The following CTSD variants were observed in gnomAD, a reference collection of about 807,000 sequenced individuals.
CTSD encodes ceroid-lipofuscinosis, neuronal 10.
CTSD carries 28 observed loss-of-function variants against 43.6 expected under a neutral mutation model. The observed-to-expected ratio is 0.64, with a 90% CI of 0.48 to 0.88. The LOEUF (loss-of-function observed/expected upper bound fraction) is 0.88. Among genes scored for constraint, CTSD ranks in the 40% least tolerant of loss-of-function variants. The pLI is 0.00. For synonymous variants in CTSD, 270 were observed against 249.8 expected (o/e 1.08, Z -0.76); for missense variants, 485 against 555.2 (o/e 0.87, Z 1.27).
Position 1,753,306 on chromosome 11 carries a change from A to G in CTSD, c.*197T>C. On this transcript the variant is annotated 3_prime_UTR_variant, in exon 9 of 9. Coordinates refer to ENST00000236671, the MANE Select transcript of CTSD (RefSeq NM_001909.5). ...CAAACAGATGGAGAGACAGACAGGC[A>G]GGCAGCATTTCTGAACCCAGGGAGG... The G allele has an allele frequency of 1.5e-6, 1 of 651,690 alleles. No individual in the cohort carries two copies. The highest frequency in any genetic ancestry group is 2.8e-6 in the Non-Finnish European group (1 of 363,552). 40.4% of individuals were successfully genotyped at this position (651,690 alleles called of 1,614,324 possible).
rs747408239 is a variant in CTSD, at chr11:1,753,794, C to T, written c.1071+9G>A. On this transcript the variant is annotated intron_variant, in intron 8 of 8. Coordinates refer to ENST00000236671, the MANE Select transcript of CTSD (RefSeq NM_001909.5). ...ACCTGGGGCGTGCGGCACCCCATTG[C>T]CCGCTCACCTTGAGCGTGTAGTCCT... 5 of 1,613,090 alleles carry T rather than the reference C, an allele frequency of 3.1e-6. No individual in the cohort carries two copies. The African/African-American group carries it at 6.7e-5, about 22-fold the overall frequency.
intron 1 of CTSD, chr11:1,762,038 C>T: frequency 5.3e-6 from 1 of 187,280 alleles, no homozygotes; most frequent in Non-Finnish European, 1.2e-5. Flanking sequence ...CTCCACACCA[C>T]CTCCAGAAGC....
chr11:1,753,710 ACC>A, intron 8 of CTSD, 40 bp from the exon 9 acceptor site: 1 of 1,609,372 alleles, frequency 6.2e-7, no homozygotes, highest in Non-Finnish European at 8.5e-7. Flanking sequence ...GCCTAGCACC[ACC>A]CGCCCCCCCA....
intron 1 of CTSD, 62 bp from the exon 2 acceptor site, chr11:1,761,530 A>G: frequency 1.3e-6 from 2 of 1,574,360 alleles, no homozygotes; most frequent in Non-Finnish European, 1.7e-6. Flanking sequence ...GACGCTGCCA[A>G]TGCTGCACAT....
Position 1,753,976 on chromosome 11 carries a change from C to T in CTSD, c.972+18G>A, listed in dbSNP as rs778336438. ...CCCCCTGCCAGCCCCAGCCCCAGCC[C>T]CAGCCCCCGGCGCTCACCTCGCCCT... On this transcript the variant is annotated intron_variant, in intron 7 of 8. Transcript: ENST00000236671. The T allele has an allele frequency of 3.7e-6, 6 of 1,606,902 alleles. No individual in the cohort carries two copies. The highest frequency in any genetic ancestry group is 1.7e-5 in the Admixed American group (1 of 59,446).
Position 1,757,252 on chromosome 11 carries a change from C to A in CTSD, c.704+72G>T. The A allele has an allele frequency of 3.2e-6, 4 of 1,266,300 alleles. No individual in the cohort carries two copies. The Admixed American group carries it at 7.7e-5, about 24-fold the overall frequency. 78.4% of individuals were successfully genotyped at this position (1,266,300 alleles called of 1,614,324 possible). The stretch of plus-strand genomic sequence containing the variant: ...GAGGGGGCAGCACTGAGAGGGGGTG[C>A]CTAGAAGGCTCCCCGTCCAGCCCCG... On this transcript the variant is annotated intron_variant, in intron 5 of 8. Transcript: ENST00000236671.
At position 1,753,745 on chromosome 11, in the gene CTSD, C is replaced by T. The variant is rs1014805093; in HGVS notation, c.1071+58G>A. ...CCACCTGTTGCCCGCTCACCTGGAG[C>T]GTGCGCCCCCTCACCGCCCGCTCAC... is the stretch of plus-strand genomic sequence containing the variant. On this transcript the variant is annotated intron_variant, in intron 8 of 8. Transcript: ENST00000236671. The T allele has an allele frequency of 2.1e-5, 34 of 1,609,050 alleles. 1 individual carries two copies. Among genetic ancestry groups the T allele is most frequent in the African/African-American group, 5.3e-5 (4 of 74,818 alleles).
At chr11:1,754,682 A>AATGGAGGG (rs1293005384) in intron 6 of CTSD, among the ~76,000 whole-genome samples, 1 of 129,302 alleles carries the variant, frequency 7.7e-6, no homozygotes, top group Non-Finnish European at 1.6e-5. Flanking sequence ...GCATGGAGGA[A>AATGGAGGG]ATGGAGGGAT....
rs779757362 is a variant in CTSD, at chr11:1,753,786, C to T, written c.1071+17G>A. 3.4e-5 allele frequency: 55 copies of T among 1,612,286 alleles called. No individual in the cohort carries two copies. Among genetic ancestry groups the T allele is most frequent in the Non-Finnish European group, 4.3e-5 (51 of 1,179,100 alleles). ...GCCCGCTCACCTGGGGCGTGCGGCA[C>T]CCCATTGCCCGCTCACCTTGAGCGT... On this transcript the variant is annotated intron_variant, in intron 8 of 8. Coordinates refer to ENST00000236671, the MANE Select transcript of CTSD (RefSeq NM_001909.5).
chr11:1,759,375 TG>T, intron 3 of CTSD, 140 bp downstream of exon 3: 1 of 1,278,296 alleles, frequency 7.8e-7, no homozygotes, highest in Non-Finnish European at 1.1e-6. Flanking sequence ...AGTCAGTGGC[TG>T]GAGCAGGGTG....
At chr11:1,760,948 GGAGGCCAC>G (rs1313817112) in intron 2 of CTSD, 6 of 346,462 alleles carry the variant, frequency 1.7e-5, no homozygotes, top group Non-Finnish European at 3.4e-5. Flanking sequence ...GAGGGGCTGG[GGAGGCCAC>G]GAGTCACCAC....
At chr11:1,755,743 C>T (rs949498057) in intron 5 of CTSD, among the ~76,000 whole-genome samples, 1 of 152,188 alleles carries the variant, frequency 6.6e-6, no homozygotes, top group African/African-American at 2.4e-5. Context: ...GCTAAGCTGG[C>T]CACCATCCCA....
At chr11:1,754,291 G>T (rs1469433333) in intron 6 of CTSD, 153 bp from the exon 7 acceptor site, 1 of 825,876 alleles carries the variant, frequency 1.2e-6, no homozygotes, top group South Asian at 1.6e-5. Flanking sequence ...CTCCAGGGAA[G>T]AGGGTGGGAG....
intron 6 of CTSD, among the ~76,000 whole-genome samples, chr11:1,754,516 A>AGGGGATGTG (rs1338888503): frequency 2.5e-4 from 8 of 32,634 alleles, no homozygotes; most frequent in African/African-American, 5.3e-4. Context: ...GGAGGGATGG[A>AGGGGATGTG]GGGATGGAGG....
rs1233022623 is a variant in CTSD at position 1,753,434 on chromosome 11, G to GC, written c.*68dup. Reference sequence around the variant, plus strand: ...TGTGTGGGTGTGTGTGGGAGGGGCCGCTGGGCCAGGGGCCTCCTGCTCTGG... The same window carrying GC: ...TGTGTGGGTGTGTGTGGGAGGGGCCGCCTGGGCCAGGGGCCTCCTGCTCTGG... On this transcript the variant is annotated 3_prime_UTR_variant, in exon 9 of 9. Coordinates refer to ENST00000236671, the MANE Select transcript of CTSD (RefSeq NM_001909.5). 7 of 1,583,002 alleles carry GC rather than the reference G, an allele frequency of 4.4e-6. No individual in the cohort carries two copies. The highest frequency in any genetic ancestry group is 5.2e-6 in the Non-Finnish European group (6 of 1,153,740).
intron 4 of CTSD, chr11:1,757,839 C>T (rs940185661): frequency 9.9e-6 from 5 of 506,478 alleles, no homozygotes; most frequent in African/African-American, 7.7e-5. Context: ...GCTCCCTGCT[C>T]CGACCTCTTA....
rs764778708 is a variant in CTSD, at chr11:1,758,977, T to C, written c.463A>G (p.Thr155Ala). The C allele has an allele frequency of 6.2e-7, 1 of 1,608,972 alleles. No homozygotes were observed. Among genetic ancestry groups the C allele is most frequent in the Non-Finnish European group, 8.5e-7 (1 of 1,175,554 alleles). Reference sequence around the variant, plus strand: ...GCCCCAGAGGGACTCACCGACACAGTGTCCTGGCTCAGGTACCCGGAGAGG... The same window carrying C: ...GCCCCAGAGGGACTCACCGACACAGCGTCCTGGCTCAGGTACCCGGAGAGG... ...GSLSGYLSQD[T>A]VSVPCQSASS... is the part of the protein sequence containing the mutation. Residue 155 changes from threonine (T) to alanine (A), a missense_variant, in exon 4 of 9, where the codon ACT (threonine) becomes GCT (alanine). Thr to Ala is a moderately conservative substitution (Grantham distance 58). Transcript: ENST00000236671.
In CTSD at chr11:1,754,021, G is replaced by A. The variant is rs752172496; in HGVS notation, c.945C>T (p.Ile315=). The change falls in exon 7 of 9, where the codon ATC becomes ATT. Residue 315 remains isoleucine (I), a synonymous_variant. Transcript: ENST00000236671. ...CGCCCTGAATCAGCGGCACGGCCCC[G>A]ATGGCCTTCTGCAGCTCGCGCACCT... ...VDEVRELQKA[I]GAVPLIQGEY... 44 of 1,391,882 alleles carry A rather than the reference G, an allele frequency of 3.2e-5. No individual in the cohort carries two copies. In the East Asian group the frequency reaches 3.2e-4, roughly 10 times the overall value. The allele number at this position is 1,391,882 out of a possible 1,614,324, so 86.2% of individuals were successfully genotyped here.
intron 5 of CTSD, among the ~76,000 whole-genome samples, chr11:1,756,578 G>C (rs934968116): frequency 6.6e-6 from 1 of 152,168 alleles, no homozygotes; most frequent in Non-Finnish European, 1.5e-5. Context: ...GGAGGCCGCC[G>C]GCTGACACGC....
Sources: allele counts gnomAD v4.1 joint callset (sites outside exome capture counted in the v4.1 genomes callset), GRCh38; gene constraint gnomAD v4.1.1; transcripts MANE v1.5; gene names NCBI Gene and HGNC (gene_info 2026-07-23, HGNC 2026-07-21).